SEPTIN14: variants seen among roughly 807,000 people sequenced by gnomAD.
The protein encoded by SEPTIN14 is septin 14.
In SEPTIN14, 40 loss-of-function variants were observed where a neutral mutation model predicts 53.6. The observed-to-expected ratio is 0.75, with a 90% CI of 0.58 to 0.97. The LOEUF (loss-of-function observed/expected upper bound fraction) is 0.97, where lower values mean the gene tolerates loss of function less well. Ranked by LOEUF, SEPTIN14 falls within the 50% of genes least tolerant of loss-of-function variation. The pLI is 0.00. For synonymous variants in SEPTIN14, 138 were observed against 166.8 expected (o/e 0.83, Z 1.33); for missense variants, 471 against 508.2 (o/e 0.93, Z 0.70).
chr7:55,827,940 A>G (rs1789019630), intron 6 of SEPTIN14, among the ~76,000 whole-genome samples: 1 of 152,156 alleles, frequency 6.6e-6, no homozygotes, highest in African/African-American at 2.4e-5. Context: ...GAAAAACCCC[A>G]TCTAAATTAA....
rs1010078321 is a variant in SEPTIN14 at position 55,794,363 on chromosome 7, A to G, written c.*1550T>C. The G allele has an allele frequency of 6.6e-6, 1 of 152,240 alleles. No individual in the cohort carries two copies. The highest frequency in any genetic ancestry group is 1.5e-5 in the Non-Finnish European group (1 of 68,032). The allele number at this position is 152,240 out of a possible 1,614,324, so 9.4% of individuals were successfully genotyped here. A position where few individuals can be genotyped will look rare whatever the true frequency, so the allele number is the denominator to read the frequency against. On this transcript the variant is annotated 3_prime_UTR_variant, in exon 10 of 10. Transcript: ENST00000388975. ...ACTCACAAACATGTTCAGAAGCAGT[A>G]AGAAGTTACATTAATTATCTTTTGA... is the stretch of plus-strand genomic sequence containing the variant.
At chr7:55,826,813 A>G (rs1480661929) in intron 6 of SEPTIN14, among the ~76,000 whole-genome samples, 1 of 151,686 alleles carries the variant, frequency 6.6e-6, no homozygotes, top group Non-Finnish European at 1.5e-5. Context: ...AAAAAAAAAA[A>G]AAGAATAAAG....
chr7:55,834,575 T>C lies in SEPTIN14; in HGVS notation c.570A>G (p.Ile190Met). 1 of 1,603,798 alleles carries C rather than the reference T, an allele frequency of 6.2e-7. No individual in the cohort carries two copies. ...MKNLDSKVNI[I>M]PLIAKADTIS... The stretch of plus-strand genomic sequence containing the variant: ...TAGTGTCTGCTTTGGCAATCAGTGG[T>C]ATAATATTCACCTATGAAGAAAGAA... Residue 190 changes from isoleucine to methionine, a missense_variant, in exon 6 of 10, where the codon ATA (isoleucine) becomes ATG (methionine). Coordinates refer to ENST00000388975, the MANE Select transcript of SEPTIN14 (RefSeq NM_207366.3).
chr7:55,861,245 C>T (rs1297809157), intron 2 of SEPTIN14, among the ~76,000 whole-genome samples: 3 of 152,184 alleles, frequency 2.0e-5, no homozygotes, highest in Non-Finnish European at 4.4e-5. Context: ...TGCCTATAAT[C>T]CCAATACTTT....
chr7:55,818,736 G>A (rs2115992515), intron 7 of SEPTIN14, among the ~76,000 whole-genome samples: 1 of 152,264 alleles, frequency 6.6e-6, no homozygotes, highest in African/African-American at 2.4e-5. Flanking sequence ...ACATTAGGTA[G>A]TAATGAGTTT....
intron 7 of SEPTIN14, chr7:55,811,083 G>A: frequency 2.2e-6 from 1 of 462,046 alleles, no homozygotes. Flanking sequence ...CACCTTTCGT[G>A]TTTCAGCAGA....
At chr7:55,841,741 T>C (rs2116047174) in intron 5 of SEPTIN14, among the ~76,000 whole-genome samples, 1 of 150,814 alleles carries the variant, frequency 6.6e-6, no homozygotes, top group African/African-American at 2.4e-5. Flanking sequence ...TGTAATCTCA[T>C]CTACTCAGAA....
chr7:55,851,379 C>G (rs1233336614), intron 2 of SEPTIN14, among the ~76,000 whole-genome samples: 10 of 151,668 alleles, frequency 6.6e-5, no homozygotes, highest in Non-Finnish European at 1.5e-5. Context: ...TTTACTTTTT[C>G]TAGAATTTCA....
Position 55,862,001 on chromosome 7 carries a change from C to T in SEPTIN14, c.-5G>A, listed in dbSNP as rs1363494013. 3 of 1,570,772 alleles carry T rather than the reference C, an allele frequency of 1.9e-6. No homozygotes were observed. Among genetic ancestry groups the T allele is most frequent in the Admixed American group, 3.8e-5 (2 of 52,326 alleles). ...AGCCATTGTTCTTTCTGCCATGCTA[C>T]ACTAAAAGAGCTGGAAATTTAAAAA... On this transcript the variant is annotated 5_prime_UTR_variant, in exon 2 of 10. Coordinates refer to ENST00000388975, the MANE Select transcript of SEPTIN14 (RefSeq NM_207366.3).
chr7:55,844,214 G>A (rs1377237305), intron 4 of SEPTIN14, among the ~76,000 whole-genome samples: 4 of 152,106 alleles, frequency 2.6e-5, no homozygotes, highest in Non-Finnish European at 5.9e-5. Flanking sequence ...GACACTGTTG[G>A]TGGGAATGTA....
chr7:55,835,344 AG>A (rs1210988966), intron 5 of SEPTIN14, among the ~76,000 whole-genome samples: 1 of 151,720 alleles, frequency 6.6e-6, no homozygotes, highest in African/African-American at 2.4e-5. Flanking sequence ...CTGGGACTAC[AG>A]GCGCCCACCA....
chr7:55,837,157 C>G (rs1789223467), intron 5 of SEPTIN14, among the ~76,000 whole-genome samples: 1 of 150,436 alleles, frequency 6.6e-6, no homozygotes. Flanking sequence ...GATCTGTGGC[C>G]CTGTCTGCAG....
intron 7 of SEPTIN14, among the ~76,000 whole-genome samples, chr7:55,812,066 A>T (rs1788714583): frequency 6.6e-6 from 1 of 152,218 alleles, no homozygotes; most frequent in Non-Finnish European, 1.5e-5. Context: ...AAGTGCTGGG[A>T]TTACAGGCAT....
rs1278327860 is a variant in SEPTIN14, at chr7:55,794,809, C to G, written c.*1104G>C. ...GGGACTACAGGTGCACAACACCACA[C>G]CCGGCTAACTTTTGTATTATTAGTA... On this transcript the variant is annotated 3_prime_UTR_variant, in exon 10 of 10. Coordinates refer to ENST00000388975, the MANE Select transcript of SEPTIN14 (RefSeq NM_207366.3). 6.6e-6 allele frequency: 1 copy of G among 152,122 alleles called. No homozygotes were observed. The highest frequency in any genetic ancestry group is 2.4e-5 in the African/African-American group (1 of 41,414). The allele number at this position is 152,122 out of a possible 1,614,324, so 9.4% of individuals were successfully genotyped here.
intron 2 of SEPTIN14, among the ~76,000 whole-genome samples, chr7:55,857,712 C>T (rs1294970652): frequency 4.7e-5 from 7 of 150,110 alleles, no homozygotes; most frequent in African/African-American, 1.5e-4. Flanking sequence ...CTCAGCCTCC[C>T]GAGCAGCTGG....
intron 9 of SEPTIN14, among the ~76,000 whole-genome samples, chr7:55,804,675 T>C (rs1788585912): frequency 6.6e-6 from 1 of 152,138 alleles, no homozygotes; most frequent in African/African-American, 2.4e-5. Context: ...TTTACCTAAT[T>C]AAACTAAATG....
rs555869134 is a variant in SEPTIN14 at position 55,842,917 on chromosome 7, A to G, written c.558+25T>C. ...AGGGAGACTCCGTCTCAAAAAAAAA[A>G]AGATGGTAGATTTACCAAACATACC... On this transcript the variant is annotated intron_variant, in intron 5 of 9. Transcript: ENST00000388975. The G allele has an allele frequency of 2.5e-5, 36 of 1,439,964 alleles. No individual in the cohort carries two copies. The African/African-American group carries it at 3.5e-4, about 14-fold the overall frequency. The allele number at this position is 1,439,964 out of a possible 1,614,324, so 89.2% of individuals were successfully genotyped here.
chr7:55,857,477 A>AGGGAG (rs1269452352), intron 2 of SEPTIN14, among the ~76,000 whole-genome samples: 10 of 62,490 alleles, frequency 1.6e-4, no homozygotes, highest in East Asian at 8.9e-4. Context: ...GGGGAGAGGA[A>AGGGAG]GGGAGGGGAG....
intron 5 of SEPTIN14, among the ~76,000 whole-genome samples, chr7:55,835,693 C>T (rs10277978): frequency 0.2 from 29,739 of 151,918 alleles, 3,800 homozygotes; most frequent in East Asian, 0.43. Flanking sequence ...GATAGATTTG[C>T]TATTGTTTTT....
Sources: allele counts gnomAD v4.1 joint callset (sites outside exome capture counted in the v4.1 genomes callset), GRCh38; gene constraint gnomAD v4.1.1; transcripts MANE v1.5; gene names NCBI Gene and HGNC (gene_info 2026-07-23, HGNC 2026-07-21).